Variants in STPG2 observed in about 807,000 individuals in gnomAD.
The protein encoded by STPG2 is sperm tail PG-rich repeat containing 2, also known as sperm-tail PG-rich repeat-containing protein 2.
A neutral mutation model predicts 54.2 loss-of-function variants in STPG2; 56 were observed. The ratio of observed to expected loss-of-function variants is 1.03; its 90% CI spans 0.83 to 1.29. The LOEUF is 1.29. Ranked by LOEUF, STPG2 falls within the 50% of genes most tolerant of loss-of-function variation. STPG2 has a pLI of 0.00. For synonymous variants in STPG2, 200 were observed against 181.8 expected (o/e 1.10, Z -0.81); for missense variants, 596 against 544.9 (o/e 1.09, Z -0.93).
At chr4:97,918,558 AAT>A (rs1388979975) in intron 8 of STPG2, among the ~76,000 whole-genome samples, 1 of 151,434 alleles carries the variant, frequency 6.6e-6, no homozygotes, top group African/African-American at 2.4e-5. Context: ...GAAATAAATA[AAT>A]ATATATGTGT....
intron 9 of STPG2, among the ~76,000 whole-genome samples, chr4:97,756,904 A>C (rs1488124186): frequency 2.6e-5 from 4 of 152,054 alleles, no homozygotes; most frequent in Admixed American, 2.6e-4. Context: ...CTCTTTTGTT[A>C]TCTTATTCTC....
chr4:98,133,316 C>G (rs950354679), intron 2 of STPG2, among the ~76,000 whole-genome samples: 4 of 152,006 alleles, frequency 2.6e-5, no homozygotes, highest in African/African-American at 9.7e-5. Context: ...CAGTGGCTGG[C>G]ATTTGATTGA....
chr4:98,021,709 G>C (rs1333248787), intron 5 of STPG2, among the ~76,000 whole-genome samples: 4 of 151,722 alleles, frequency 2.6e-5, no homozygotes, highest in African/African-American at 9.7e-5. Context: ...TCCTGTATTG[G>C]GTGCATATAT....
chr4:97,903,811 C>T (rs141743540), intron 8 of STPG2, among the ~76,000 whole-genome samples: 168 of 152,328 alleles, frequency 1.1e-3, no homozygotes, highest in African/African-American at 3.7e-3. Context: ...CAGGGAGTTC[C>T]CTTTCCTAGT....
At chr4:97,848,803 T>G (rs1346897665) in intron 8 of STPG2, among the ~76,000 whole-genome samples, 1 of 150,686 alleles carries the variant, frequency 6.6e-6, no homozygotes, top group Non-Finnish European at 1.5e-5. Context: ...AAAGATCAGA[T>G]AGTTGTAGGT....
intron 4 of STPG2, among the ~76,000 whole-genome samples, chr4:97,551,643 C>G (rs1731968313): frequency 6.6e-6 from 1 of 152,168 alleles, no homozygotes; most frequent in Non-Finnish European, 1.5e-5. Context: ...CAAGGGAAAC[C>G]TAAATTCTAG....
chr4:97,822,787 G>A (rs1728128882), intron 9 of STPG2, among the ~76,000 whole-genome samples: 1 of 152,214 alleles, frequency 6.6e-6, no homozygotes, highest in Non-Finnish European at 1.5e-5. Flanking sequence ...TCACAAGGAT[G>A]GCACCAAGCC....
rs575029508 is a variant in STPG2, at chr4:97,864,709, A to T, written c.1045-23777T>A. Among the ~76,000 whole-genome samples the T allele has an allele frequency of 4.2e-3, 642 of 152,326 alleles. 3 individuals carry two copies. The highest frequency in any genetic ancestry group is 0.024 in the South Asian group (116 of 4,824). ...TCAAACTATACTACAAGGCTGCAGT[A>T]ACCAAAACAGCATGCTACTGGTACC... On this transcript the variant is annotated intron_variant, in intron 8 of 10. Transcript: ENST00000295268.
chr4:97,729,146 T>A (rs1724717961), intron 9 of STPG2, among the ~76,000 whole-genome samples: 1 of 147,658 alleles, frequency 6.8e-6, no homozygotes, highest in Non-Finnish European at 1.5e-5. Context: ...GATCTTAAAA[T>A]CCTCATCCAA....
At chr4:98,007,299 G>T (rs974780291) in intron 5 of STPG2, among the ~76,000 whole-genome samples, 1 of 152,122 alleles carries the variant, frequency 6.6e-6, no homozygotes, top group South Asian at 2.1e-4. Context: ...CTGCTCACCC[G>T]CCTGGTACAC....
rs542191642 is a variant in STPG2, at chr4:97,872,396, G to A, written c.1045-31464C>T. ...ACATCTGGAAAATCCTAAAGACTCA[G>A]TGATAATAAAATAATTTAGTAAGGT... On this transcript the variant is annotated intron_variant, in intron 8 of 10. Transcript: ENST00000295268. 2.0e-5 allele frequency among the ~76,000 whole-genome samples: 3 copies of A among 151,262 alleles called. No homozygotes were observed. The East Asian group carries it at 5.8e-4, about 29-fold the overall frequency.
intron 10 of STPG2, among the ~76,000 whole-genome samples, chr4:97,697,705 T>A (rs1033927131): frequency 6.6e-6 from 1 of 152,198 alleles, no homozygotes; most frequent in African/African-American, 2.4e-5. Context: ...ATGCTCGTGA[T>A]GGCTATGACA....
chr4:97,633,021 T>TA (rs1721343640), intron 10 of STPG2, among the ~76,000 whole-genome samples: 1 of 152,116 alleles, frequency 6.6e-6, no homozygotes, highest in African/African-American at 2.4e-5. Flanking sequence ...TAGACAGAGA[T>TA]AGATATTTCT....
chr4:98,116,918 G>A (rs1739539185), intron 3 of STPG2, among the ~76,000 whole-genome samples: 2 of 151,880 alleles, frequency 1.3e-5, no homozygotes, highest in African/African-American at 4.8e-5. Flanking sequence ...GCCTACTACT[G>A]TATTTAAACA....
chr4:97,967,154 A>G (rs1272981803), intron 7 of STPG2, among the ~76,000 whole-genome samples: 3 of 139,098 alleles, frequency 2.2e-5, no homozygotes, highest in Non-Finnish European at 3.1e-5. Flanking sequence ...AAATAAAGGG[A>G]TGGAGGAAGA....
At chr4:97,640,031 T>G (rs1721712093) in intron 10 of STPG2, among the ~76,000 whole-genome samples, 1 of 152,070 alleles carries the variant, frequency 6.6e-6, no homozygotes, top group Admixed American at 6.6e-5. Flanking sequence ...GAGATAAATA[T>G]AATGTAAAAA....
intron 4 of STPG2, among the ~76,000 whole-genome samples, chr4:97,481,548 G>GC (rs1004896869): frequency 5.2e-4 from 79 of 151,540 alleles, no homozygotes; most frequent in African/African-American, 1.8e-3. Flanking sequence ...GTATTTTGCA[G>GC]CATACAGGTC....
intron 10 of STPG2, among the ~76,000 whole-genome samples, chr4:97,612,826 G>A (rs1307804773): frequency 4.0e-4 from 61 of 151,802 alleles, no homozygotes; most frequent in Admixed American, 4.0e-3. Flanking sequence ...TAATGAGGGA[G>A]CAGTACTCCA....
intron 10 of STPG2, among the ~76,000 whole-genome samples, chr4:97,631,788 T>C (rs1294487057): frequency 6.6e-6 from 1 of 152,100 alleles, no homozygotes; most frequent in Non-Finnish European, 1.5e-5. Context: ...ATAAGATAAA[T>C]GGAGCTGAGC....
Sources: gnomAD v4.1 joint callset for allele counts (sites outside exome capture counted in the v4.1 genomes callset) on GRCh38, gnomAD v4.1.1 for gene constraint, MANE v1.5 for transcripts, NCBI Gene and HGNC (gene_info 2026-07-23, HGNC 2026-07-21) for gene names.